SMIM14: variants seen among roughly 807,000 people sequenced by gnomAD.
The protein encoded by SMIM14 is chromosome 4 open reading frame 34.
In SMIM14, 5 loss-of-function variants were observed where a neutral mutation model predicts 12.6. The observed-to-expected ratio is 0.40, with a 90% CI of 0.21 to 0.83. The LOEUF (loss-of-function observed/expected upper bound fraction) is 0.83. SMIM14 is among the 40% of genes least tolerant of loss of function. SMIM14 has a pLI of 0.37. For synonymous variants in SMIM14, 30 were observed against 40.1 expected (o/e 0.75, Z 0.95); for missense variants, 86 against 119.1 (o/e 0.72, Z 1.29).
chr4:39,550,069 C>G lies in SMIM14; in HGVS notation c.*2057G>C, dbSNP rs1711589028. 1 of 152,030 alleles carries G rather than the reference C, an allele frequency of 6.6e-6. No homozygotes were observed. Among genetic ancestry groups the G allele is most frequent in the African/African-American group, 2.4e-5 (1 of 41,356 alleles). 9.4% of individuals were successfully genotyped at this position (152,030 alleles called of 1,614,324 possible). A position where few individuals can be genotyped will look rare whatever the true frequency, so the allele number is the denominator to read the frequency against. Reference sequence around the variant, plus strand: ...AGGGGGGAAAATACCTTATGAGTATCACAATTGTATCAGAGACTATTAAAC... The same window carrying G: ...AGGGGGGAAAATACCTTATGAGTATGACAATTGTATCAGAGACTATTAAAC... On this transcript the variant is annotated 3_prime_UTR_variant, in exon 5 of 5. Coordinates refer to ENST00000295958, the MANE Select transcript of SMIM14 (RefSeq NM_174921.3).
intron 3 of SMIM14, among the ~76,000 whole-genome samples, chr4:39,557,819 A>G (rs1712097251): frequency 6.6e-6 from 1 of 152,234 alleles, no homozygotes; most frequent in Admixed American, 6.5e-5. Flanking sequence ...CAGAGGCATC[A>G]TGAAAAAGAA....
At chr4:39,596,922 T>C (rs925365550) in intron 2 of SMIM14, among the ~76,000 whole-genome samples, 1 of 152,076 alleles carries the variant, frequency 6.6e-6, no homozygotes, top group African/African-American at 2.4e-5. Context: ...ACTATAGGTA[T>C]GTGCCAAGAT....
At chr4:39,609,308 G>C (rs763719916) in intron 1 of SMIM14, among the ~76,000 whole-genome samples, 16 of 152,080 alleles carry the variant, frequency 1.1e-4, no homozygotes, top group Non-Finnish European at 2.2e-4. Context: ...CGGGTGCATT[G>C]TATGGTATGT....
chr4:39,624,685 G>A (rs781107728), intron 1 of SMIM14, among the ~76,000 whole-genome samples: 1 of 151,044 alleles, frequency 6.6e-6, no homozygotes, highest in African/African-American at 2.4e-5. Flanking sequence ...TTAGCTGGGC[G>A]TGGTGGTGTG....
chr4:39,606,622 A>G (rs1476432064), intron 1 of SMIM14, among the ~76,000 whole-genome samples: 3 of 139,002 alleles, frequency 2.2e-5, no homozygotes, highest in Non-Finnish European at 4.7e-5. Context: ...GCCTGGCGAC[A>G]GAGCAAGACT....
In SMIM14 at chr4:39,556,496, A is replaced by G; in HGVS notation, c.199T>C (p.Leu67=). ...AGATTAGGAGGTCTCAGTAAGAACA[A>G]GATCAATGCAATAACCATCCAGGCT... ...LVAWMVIALI[L]FLLRPPNLRG... Residue 67 remains leucine, a synonymous_variant, in exon 4 of 5, where the codon TTG becomes CTG. Transcript: ENST00000295958. 6.2e-7 allele frequency: 1 copy of G among 1,614,002 alleles called. No homozygotes were observed. Among genetic ancestry groups the G allele is most frequent in the Non-Finnish European group, 8.5e-7 (1 of 1,179,972 alleles).
rs565282214 is a variant in SMIM14 at position 39,547,812 on chromosome 4, C to G, written c.*4314G>C. ...AAAGTAGCCATAGAATAGCTGTATT[C>G]AATAATTATTTTGGAAAATCCACAT... On this transcript the variant is annotated 3_prime_UTR_variant, in exon 5 of 5. Coordinates refer to ENST00000295958, the MANE Select transcript of SMIM14 (RefSeq NM_174921.3). 1 of 151,584 alleles carries G rather than the reference C, an allele frequency of 6.6e-6. No homozygotes were observed. The highest frequency in any genetic ancestry group is 1.5e-5 in the Non-Finnish European group (1 of 67,928). The allele number at this position is 151,584 out of a possible 1,614,324, so 9.4% of individuals were successfully genotyped here. A position where few individuals can be genotyped will look rare whatever the true frequency, so the allele number is the denominator to read the frequency against.
At chr4:39,572,859 CAG>C (rs1465258636) in intron 2 of SMIM14, among the ~76,000 whole-genome samples, 3 of 151,790 alleles carry the variant, frequency 2.0e-5, no homozygotes, top group Non-Finnish European at 4.4e-5. Flanking sequence ...TTTTTTGAGA[CAG>C]GGTCTCACTC....
chr4:39,586,523 A>G (rs981198600), intron 2 of SMIM14, among the ~76,000 whole-genome samples: 10 of 152,162 alleles, frequency 6.6e-5, no homozygotes, highest in African/African-American at 2.2e-4. Flanking sequence ...AATTCTGTAC[A>G]TGATTATTTA....
chr4:39,563,262 A>C (rs551778893), intron 3 of SMIM14, among the ~76,000 whole-genome samples: 1 of 152,174 alleles, frequency 6.6e-6, no homozygotes, highest in Non-Finnish European at 1.5e-5. Flanking sequence ...GGGTTTCACC[A>C]TGTTGACCAG....
chr4:39,559,843 G>A (rs1000839926), intron 3 of SMIM14, among the ~76,000 whole-genome samples: 5 of 152,058 alleles, frequency 3.3e-5, no homozygotes, highest in African/African-American at 7.2e-5. Flanking sequence ...CAGGCCGGGC[G>A]TGGCAGCTCA....
chr4:39,625,438 T>C (rs1356652669), intron 1 of SMIM14, among the ~76,000 whole-genome samples: 4 of 112,012 alleles, frequency 3.6e-5, no homozygotes, highest in Non-Finnish European at 7.6e-5. Context: ...AACTCATCAT[T>C]ACAATTTTTT....
At chr4:39,612,524 C>G (rs1715077545) in intron 1 of SMIM14, among the ~76,000 whole-genome samples, 2 of 152,166 alleles carry the variant, frequency 1.3e-5, no homozygotes, top group Non-Finnish European at 2.9e-5. Context: ...CTAGTCCATC[C>G]TTCCTTACTC....
At chr4:39,552,771 G>A (rs1711784395) in intron 4 of SMIM14, among the ~76,000 whole-genome samples, 1 of 152,102 alleles carries the variant, frequency 6.6e-6, no homozygotes. Flanking sequence ...AATCAATGAA[G>A]CCACTTGTTT....
At chr4:39,566,121 C>A (rs148491011) in intron 3 of SMIM14, among the ~76,000 whole-genome samples, 1 of 150,176 alleles carries the variant, frequency 6.7e-6, no homozygotes, top group East Asian at 1.9e-4. Context: ...TATTAACATA[C>A]GAGATGATGA....
At chr4:39,579,658 C>T (rs539145621) in intron 2 of SMIM14, among the ~76,000 whole-genome samples, 67 of 152,004 alleles carry the variant, frequency 4.4e-4, no homozygotes, top group African/African-American at 1.6e-3. Flanking sequence ...ACCTGGCCAA[C>T]ATGGTGCAAC....
At position 39,552,146 on chromosome 4, in the gene SMIM14, G is replaced by C; in HGVS notation, c.280C>G (p.Pro94Ala). 6.3e-7 allele frequency: 1 copy of C among 1,596,302 alleles called. No individual in the cohort carries two copies. Among genetic ancestry groups the C allele is most frequent in the Non-Finnish European group, 8.5e-7 (1 of 1,171,398 alleles). Residue 94 changes from proline to alanine, a missense_variant, in exon 5 of 5, where the codon CCA becomes GCA. Transcript: ENST00000295958. ...CAAAGTTAGTCCACAGGAGGAGCTG[G>C]TGGATCTTGTCCCTGGCATTAGAAA... ...PTSPHNGQDP[P>A]APPVD
intron 1 of SMIM14, among the ~76,000 whole-genome samples, chr4:39,610,682 T>G (rs1459862557): frequency 6.7e-6 from 1 of 148,436 alleles, no homozygotes; most frequent in Non-Finnish European, 1.5e-5. Context: ...GTGACAGAAC[T>G]AGACCTGGTC....
rs1712119343 is a variant in SMIM14 at position 39,558,371 on chromosome 4, C to A, written c.125-1801G>T. On this transcript the variant is annotated intron_variant, in intron 3 of 4. Coordinates refer to ENST00000295958, the MANE Select transcript of SMIM14 (RefSeq NM_174921.3). This position sits in a 1 kb window ranked among gnomAD's most constrained non-coding sequence, Gnocchi z 4.3. ...CATTAGGTAAACAGTTAAGGCTGGGCCCCTAGAAGTGCTTGCCTGAAAAAT... is the reference window on the plus strand; with the variant it reads ...CATTAGGTAAACAGTTAAGGCTGGGACCCTAGAAGTGCTTGCCTGAAAAAT... Among the ~76,000 whole-genome samples the A allele has an allele frequency of 6.6e-6, 1 of 152,164 alleles. No individual in the cohort carries two copies. Among genetic ancestry groups the A allele is most frequent in the Non-Finnish European group, 1.5e-5 (1 of 68,026 alleles).
Sources: allele counts gnomAD v4.1 joint callset (sites outside exome capture counted in the v4.1 genomes callset), GRCh38; gene constraint gnomAD v4.1.1; non-coding constraint Gnocchi (gnomAD v3.1); transcripts MANE v1.5; gene names NCBI Gene and HGNC (gene_info 2026-07-23, HGNC 2026-07-21).